Variants in IL17RA observed in about 807,000 individuals in gnomAD.
The protein encoded by IL17RA is interleukin-17 receptor A.
In IL17RA, 34 loss-of-function variants were observed where a neutral mutation model predicts 50.4. The observed-to-expected ratio is 0.67, with a 90% CI of 0.51 to 0.90. IL17RA has a LOEUF of 0.90. IL17RA is among the 40% of genes least tolerant of loss of function. IL17RA has a pLI of 0.00. For missense variants in IL17RA, 1,276 were observed against 1,169.8 expected, an observed-to-expected ratio of 1.09 and a Z score of -1.32; for synonymous variants, 585 against 510.4, an observed-to-expected ratio of 1.15 and a Z score of -1.97.
intron 4 of IL17RA, 89 bp downstream of exon 4, chr22:17,098,976 G>A (rs1313363504): frequency 1.9e-6 from 2 of 1,064,784 alleles, no homozygotes; most frequent in Admixed American, 3.6e-5. Context: ...GATTTAGAGT[G>A]GGGGAGACCC....
Position 17,112,385 on chromosome 22 carries a change from ACAGT to A in IL17RA, c.*2571_*2574del, listed in dbSNP as rs1415544792. 1.3e-5 allele frequency: 2 copies of A among 152,320 alleles called. No individual in the cohort carries two copies. The highest frequency in any genetic ancestry group is 2.4e-5 in the African/African-American group (1 of 41,448). The allele number at this position is 152,320 out of a possible 1,614,324, so 9.4% of individuals were successfully genotyped here. On this transcript the variant is annotated 3_prime_UTR_variant, in exon 13 of 13. Coordinates refer to ENST00000319363, the MANE Select transcript of IL17RA (RefSeq NM_014339.7). Reference sequence around the variant, plus strand: ...TAGTCACAGTTCAGCAGCCATCAGCACAGTCAGTCTTAGAGTTTACTACCCCCAA... The same window carrying A: ...TAGTCACAGTTCAGCAGCCATCAGCACAGTCTTAGAGTTTACTACCCCCAA...
In IL17RA at chr22:17,109,600, A is replaced by C. The variant is rs1202524949; in HGVS notation, c.2381A>C (p.Gln794Pro). The C allele has an allele frequency of 6.2e-7, 1 of 1,604,218 alleles. No homozygotes were observed. Among genetic ancestry groups the C allele is most frequent in the African/African-American group, 1.3e-5 (1 of 74,916 alleles). ...CAGCGGCAGTCAGTGCAGTCTGACC[A>C]GGGCTACATCTCCAGGAGCTCCCCG... is the stretch of plus-strand genomic sequence containing the variant. Reference protein sequence around the residue: ...EEQRQSVQSDQGYISRSSPQP... With the variant: ...EEQRQSVQSDPGYISRSSPQP... The change falls in exon 13 of 13, where the codon CAG becomes CCG. Residue 794 changes from glutamine (Q) to proline (P), a missense_variant. Physicochemically the swap from Gln to Pro is moderately conservative, Grantham distance 76. Transcript: ENST00000319363.
At chr22:17,085,458 G>A (rs1402789449) in intron 1 of IL17RA, among the ~76,000 whole-genome samples, 2 of 152,082 alleles carry the variant, frequency 1.3e-5, no homozygotes, top group Non-Finnish European at 1.5e-5. Flanking sequence ...GTGGCACATC[G>A]CGCGGCGCGT....
chr22:17,098,997 A>C (rs920532758), intron 4 of IL17RA, 110 bp downstream of exon 4: 1 of 886,558 alleles, frequency 1.1e-6, no homozygotes, highest in Non-Finnish European at 1.9e-6. Context: ...AGAGGTGCTG[A>C]GGGAGTCTGT....
rs1005206117 is a variant in IL17RA, at chr22:17,102,039, C to T, written c.594C>T (p.Ser198=). 1 of 1,614,228 alleles carries T rather than the reference C, an allele frequency of 6.2e-7. No individual in the cohort carries two copies. Among genetic ancestry groups the T allele is most frequent in the Non-Finnish European group, 8.5e-7 (1 of 1,180,050 alleles). The change falls in exon 6 of 13, where the codon AGC becomes AGT. Residue 198 remains serine, a synonymous_variant. Transcript: ENST00000319363. ...TGAAGGTAACCACGCCATGCATGAG[C>T]TCAGGTAACAGCTGGCCCGGGAGAG... ...ARMKVTTPCM[S]SGSLWDPNIT...
Position 17,102,322 on chromosome 22 carries a change from C to A in IL17RA, c.762+20C>A, listed in dbSNP as rs145541428. ...CCTGCGGTAACTCTGCTCTTTTTGA[C>A]CCCTCTAGCATAGCTCAGGACCACC... On this transcript the variant is annotated intron_variant, in intron 7 of 12. Transcript: ENST00000319363. 1.9e-6 allele frequency: 3 copies of A among 1,613,730 alleles called. No homozygotes were observed. Among genetic ancestry groups the A allele is most frequent in the Non-Finnish European group, 2.5e-6 (3 of 1,179,846 alleles).
At position 17,085,053 on chromosome 22, in the gene IL17RA, C is replaced by T. The variant is rs775719038; in HGVS notation, c.-39C>T. On this transcript the variant is annotated 5_prime_UTR_variant, in exon 1 of 13. Transcript: ENST00000319363. Reference sequence around the variant, plus strand: ...CCTCAGAACGTTCGTTCGCTGCGTCCCCAGCCGGGGCCGAGCCCTCCGCGA... The same window carrying T: ...CCTCAGAACGTTCGTTCGCTGCGTCTCCAGCCGGGGCCGAGCCCTCCGCGA... 5.6e-5 allele frequency: 72 copies of T among 1,289,996 alleles called. No homozygotes were observed. The highest frequency in any genetic ancestry group is 2.9e-4 in the Admixed American group (7 of 23,790). The allele number at this position is 1,289,996 out of a possible 1,614,324, so 79.9% of individuals were successfully genotyped here.
Position 17,109,396 on chromosome 22 carries a change from C to T in IL17RA, c.2177C>T (p.Ser726Leu), listed in dbSNP as rs756332306. ...VLFLPVDPED[S>L]PLGSSTPMAS... The stretch of plus-strand genomic sequence containing the variant: ...TTCCTCCCCGTGGACCCCGAGGACT[C>T]GCCCCTTGGCAGCAGCACCCCCATG... The change falls in exon 13 of 13, where the codon TCG (serine) becomes TTG (leucine). Residue 726 changes from serine (S) to leucine (L), a missense_variant. Transcript: ENST00000319363. The T allele has an allele frequency of 3.1e-5, 50 of 1,612,796 alleles. No individual in the cohort carries two copies. Among genetic ancestry groups the T allele is most frequent in the Non-Finnish European group, 3.9e-5 (46 of 1,179,938 alleles).
chr22:17,101,803 C>T (rs1332128973), intron 5 of IL17RA, among the ~76,000 whole-genome samples, 193 bp from the exon 6 acceptor site: 1 of 152,142 alleles, frequency 6.6e-6, no homozygotes, highest in Non-Finnish European at 1.5e-5. Flanking sequence ...GAGGGTTCCC[C>T]GAGAGATGAG....
At chr22:17,097,306 A>G (rs2061371813) in intron 2 of IL17RA, 1 of 608,996 alleles carries the variant, frequency 1.6e-6, no homozygotes, top group South Asian at 1.9e-5. Flanking sequence ...CAGAACTGTC[A>G]TTTGGATTGT....
intron 11 of IL17RA, among the ~76,000 whole-genome samples, chr22:17,106,981 G>A (rs1190075014): frequency 2.0e-5 from 3 of 152,204 alleles, no homozygotes; most frequent in African/African-American, 7.2e-5. Flanking sequence ...CAGTTCTGGG[G>A]AAGAGCTGAA....
rs41339945 is a variant in IL17RA, at chr22:17,104,734, C to T, written c.855C>T (p.Pro285=). 3 of 1,614,080 alleles carry T rather than the reference C, an allele frequency of 1.9e-6. No homozygotes were observed. Among genetic ancestry groups the T allele is most frequent in the East Asian group, 2.2e-5 (1 of 44,880 alleles). The change falls in exon 9 of 13, where the codon CCC becomes CCT. Residue 285 remains proline (P), a synonymous_variant. Transcript: ENST00000319363. ...GCCCTCTCTGCCCGCAGATCCAGCC[C>T]TTCTTCAGCAGCTGCCTCAATGACT... ...GCCRHQVQIQ[P]FFSSCLNDCL... is the part of the protein sequence containing the mutation.
At chr22:17,108,181 T>A in intron 12 of IL17RA, 126 bp from the exon 13 acceptor site, 1 of 944,278 alleles carries the variant, frequency 1.1e-6, no homozygotes, top group Non-Finnish European at 1.6e-6. Context: ...AGGCCTCAGT[T>A]GGGTTTCTCA....
chr22:17,094,691 C>CTCTCTCTATATATATATA (rs1448096911), intron 1 of IL17RA, among the ~76,000 whole-genome samples: 8 of 24,700 alleles, frequency 3.2e-4, no homozygotes, highest in African/African-American at 1.1e-3. Flanking sequence ...CTCTCTCTCT[C>CTCTCTCTATATATATATA]TATATATATA....
chr22:17,085,715 G>A (rs2061325102), intron 1 of IL17RA, among the ~76,000 whole-genome samples: 1 of 152,166 alleles, frequency 6.6e-6, no homozygotes, highest in Non-Finnish European at 1.5e-5. Context: ...TCGCGCCCTC[G>A]GGAGCTTCCC....
In IL17RA at chr22:17,109,809, C is replaced by A; in HGVS notation, c.2590C>A (p.Pro864Thr). The A allele has an allele frequency of 6.5e-6, 10 of 1,549,572 alleles. No individual in the cohort carries two copies. The highest frequency in any genetic ancestry group is 1.4e-5 in the African/African-American group (1 of 73,176). Residue 864 changes from proline to threonine, a missense_variant, in exon 13 of 13, where the codon CCC (proline) becomes ACC (threonine). Physicochemically the swap from Pro to Thr is conservative, Grantham distance 38. Coordinates refer to ENST00000319363, the MANE Select transcript of IL17RA (RefSeq NM_014339.7). Reference protein sequence around the residue: ...WDTMGSESEGPSA With the variant: ...WDTMGSESEGTSA The stretch of plus-strand genomic sequence containing the variant: ...CACGATGGGGTCAGAGTCAGAGGGG[C>A]CCAGTGCATGAGGGCGGCTCCCCAG...
chr22:17,109,482 C>G lies in IL17RA; in HGVS notation c.2263C>G (p.Leu755Val). 1.2e-6 allele frequency: 2 copies of G among 1,611,170 alleles called. No homozygotes were observed. Among genetic ancestry groups the G allele is most frequent in the Non-Finnish European group, 1.7e-6 (2 of 1,178,966 alleles). ...GCACCTCGAAGGCTTGATGCTCTCGCTCTTCGAGCAGAGTCTGAGCTGCCA... is the reference window on the plus strand; with the variant it reads ...GCACCTCGAAGGCTTGATGCTCTCGGTCTTCGAGCAGAGTCTGAGCTGCCA... Reference protein sequence around the residue: ...REHLEGLMLSLFEQSLSCQAQ... With the variant: ...REHLEGLMLSVFEQSLSCQAQ... Residue 755 changes from leucine to valine, a missense_variant, in exon 13 of 13, where the codon CTC becomes GTC. Leu to Val is a conservative substitution (Grantham distance 32). Coordinates refer to ENST00000319363, the MANE Select transcript of IL17RA (RefSeq NM_014339.7).
At chr22:17,089,169 C>T (rs1361066412) in intron 1 of IL17RA, among the ~76,000 whole-genome samples, 1 of 152,056 alleles carries the variant, frequency 6.6e-6, no homozygotes, top group Non-Finnish European at 1.5e-5. Context: ...TTTATCTGCC[C>T]ACCTCGGCCT....
At chr22:17,085,807 C>T (rs2123787462) in intron 1 of IL17RA, among the ~76,000 whole-genome samples, 1 of 152,286 alleles carries the variant, frequency 6.6e-6, no homozygotes, top group East Asian at 1.9e-4. Context: ...TCACCCGCGG[C>T]CCCCAGAGGG....
Sources: allele counts gnomAD v4.1 joint callset (sites outside exome capture counted in the v4.1 genomes callset), GRCh38; gene constraint gnomAD v4.1.1; transcripts MANE v1.5; gene names NCBI Gene and HGNC (gene_info 2026-07-23, HGNC 2026-07-21).